The following C13orf46 variants were observed in gnomAD, a reference collection of about 807,000 sequenced individuals.
C13orf46 encodes the protein chromosome 13 open reading frame 46.
the C13orf46 span, among the ~76,000 whole-genome samples, chr13:113,945,628 GA>G: frequency 2.3e-5 from 3 of 129,772 alleles, no homozygotes; most frequent in African/African-American, 8.9e-5. Context: ...AAGAAAGAAA[GA>G]AAGAAAGAAA....
rs1436606979 is a variant in C13orf46, at chr13:113,954,372, A to G, written c.*2401T>C. On this transcript the variant is annotated 3_prime_UTR_variant, in exon 7 of 7. Coordinates refer to ENST00000636427, the MANE Select transcript of C13orf46 (RefSeq NM_001365455.2). ...ATATGCACGTGTGCGTGTCTGAACG[A>G]GAGGGCTCTGGGTGGATTCTGGTGA... 1.5e-4 allele frequency: 23 copies of G among 152,618 alleles called. No homozygotes were observed. Among genetic ancestry groups the G allele is most frequent in the Admixed American group, 1.4e-3 (22 of 15,312 alleles). The allele number at this position is 152,618 out of a possible 1,614,324, so 9.5% of individuals were successfully genotyped here.
At chr13:113,958,855 G>A (rs2052564198) in intron 6 of C13orf46, among the ~76,000 whole-genome samples, 1 of 152,210 alleles carries the variant, frequency 6.6e-6, no homozygotes, top group Non-Finnish European at 1.5e-5. Flanking sequence ...GCTGCACGTG[G>A]TGGGGTCTCT....
chr13:113,959,376 G>A (rs1447857426), intron 6 of C13orf46, among the ~76,000 whole-genome samples: 1 of 152,138 alleles, frequency 6.6e-6, no homozygotes, highest in African/African-American at 2.4e-5. Context: ...TTGTCTGATT[G>A]GGTAGAATGT....
rs899331548 is a variant in C13orf46 at position 113,954,938 on chromosome 13, G to C, written c.*1835C>G. 1.7e-5 allele frequency: 3 copies of C among 172,882 alleles called. No individual in the cohort carries two copies. Among genetic ancestry groups the C allele is most frequent in the Non-Finnish European group, 3.6e-5 (3 of 83,750 alleles). The allele number at this position is 172,882 out of a possible 1,614,324, so 10.7% of individuals were successfully genotyped here. Reference sequence around the variant, plus strand: ...AGGAGGAGCATCTGGCGGAGACGAGGAGGAGGATCTGGCGGAGACGAGGAG... The same window carrying C: ...AGGAGGAGCATCTGGCGGAGACGAGCAGGAGGATCTGGCGGAGACGAGGAG... On this transcript the variant is annotated 3_prime_UTR_variant, in exon 7 of 7. Coordinates refer to ENST00000636427, the MANE Select transcript of C13orf46 (RefSeq NM_001365455.2).
chr13:113,955,365 CCGGCGGAGAGGAGGAGCA>C lies in C13orf46; in HGVS notation c.*1390_*1407del. The C allele has an allele frequency of 6.2e-6, 1 of 161,972 alleles. No individual in the cohort carries two copies. Among genetic ancestry groups the C allele is most frequent in the Non-Finnish European group, 1.3e-5 (1 of 78,274 alleles). The allele number at this position is 161,972 out of a possible 1,614,324, so 10.0% of individuals were successfully genotyped here. A position where few individuals can be genotyped will look rare whatever the true frequency, so the allele number is the denominator to read the frequency against. The stretch of plus-strand genomic sequence containing the variant: ...AGTATCTGGTGGAGAGGAGGAGCAT[CCGGCGGAGAGGAGGAGCA>C]TCCGGCGGAGACGAGGAGCATCCGG... On this transcript the variant is annotated 3_prime_UTR_variant, in exon 7 of 7. Transcript: ENST00000636427.
the C13orf46 span, among the ~76,000 whole-genome samples, chr13:113,935,162 G>A: frequency 5.9e-3 from 897 of 152,352 alleles, 10 homozygotes; most frequent in African/African-American, 0.02. Flanking sequence ...GTGGCGAGAG[G>A]GCCTGGGCTG....
At chr13:113,968,974 G>A (rs2052676983) in intron 2 of C13orf46, among the ~76,000 whole-genome samples, 1 of 152,242 alleles carries the variant, frequency 6.6e-6, no homozygotes, top group Non-Finnish European at 1.5e-5. Context: ...ATCTTGCCTG[G>A]AAAACTTACC....
chr13:113,929,600 G>A, the C13orf46 span, among the ~76,000 whole-genome samples: 1 of 152,274 alleles, frequency 6.6e-6, no homozygotes. Context: ...AGCCCAGGCT[G>A]TGCAGTGCTG....
chr13:113,945,569 GAA>G, the C13orf46 span, among the ~76,000 whole-genome samples: 11,482 of 95,614 alleles, frequency 0.12, 879 homozygotes, highest in South Asian at 0.16. Flanking sequence ...AAGAAAGAAA[GAA>G]AGAAAGAGAG....
At chr13:113,935,248 C>T in the C13orf46 span, among the ~76,000 whole-genome samples, 3 of 152,364 alleles carry the variant, frequency 2.0e-5, no homozygotes, top group South Asian at 2.1e-4. Context: ...CGGCCCCCGG[C>T]GCCCTTCAGC....
At chr13:113,967,848 C>G (rs1212830485) in intron 4 of C13orf46, among the ~76,000 whole-genome samples, 1 of 152,194 alleles carries the variant, frequency 6.6e-6, no homozygotes, top group Non-Finnish European at 1.5e-5. Flanking sequence ...CAGGAGACCC[C>G]CCCCGGGATG....
intron 6 of C13orf46, among the ~76,000 whole-genome samples, chr13:113,960,132 C>T (rs1172484079): frequency 6.6e-6 from 1 of 152,028 alleles, no homozygotes; most frequent in Non-Finnish European, 1.5e-5. Context: ...TGGTGGGCGC[C>T]TGTAGTCTCA....
At chr13:113,938,653 G>A in the C13orf46 span, among the ~76,000 whole-genome samples, 1 of 152,196 alleles carries the variant, frequency 6.6e-6, no homozygotes, top group Non-Finnish European at 1.5e-5. Context: ...CGTCCTGGGG[G>A]TTCAGCCTCC....
the C13orf46 span, among the ~76,000 whole-genome samples, chr13:113,938,508 A>G: frequency 6.6e-6 from 1 of 152,152 alleles, no homozygotes; most frequent in Non-Finnish European, 1.5e-5. Context: ...GCCTCTAAGG[A>G]GCCCAGACCT....
At chr13:113,940,439 C>T in the C13orf46 span, among the ~76,000 whole-genome samples, 16 of 152,186 alleles carry the variant, frequency 1.1e-4, no homozygotes, top group African/African-American at 3.4e-4. Context: ...TGAGGATGGG[C>T]GTCTGGGACC....
intron 1 of C13orf46, among the ~76,000 whole-genome samples, chr13:113,972,970 T>C (rs957789379): frequency 3.9e-5 from 6 of 152,124 alleles, no homozygotes; most frequent in African/African-American, 1.4e-4. Context: ...GGGTTACGGG[T>C]GTGGACCTGG....
intron 5 of C13orf46, among the ~76,000 whole-genome samples, chr13:113,965,809 G>T (rs891419171): frequency 6.8e-6 from 1 of 146,244 alleles, no homozygotes; most frequent in Non-Finnish European, 1.5e-5. Flanking sequence ...GGTGATGATG[G>T]TGAAGGTGAT....
Position 113,955,350 on chromosome 13 carries a change from G to C in C13orf46, c.*1423C>G. Reference sequence around the variant, plus strand: ...GTGGAGAGGAGGAGTAGTATCTGGTGGAGAGGAGGAGCATCCGGCGGAGAG... The same window carrying C: ...GTGGAGAGGAGGAGTAGTATCTGGTCGAGAGGAGGAGCATCCGGCGGAGAG... On this transcript the variant is annotated 3_prime_UTR_variant, in exon 7 of 7. Coordinates refer to ENST00000636427, the MANE Select transcript of C13orf46 (RefSeq NM_001365455.2). 5.7e-6 allele frequency: 1 copy of C among 174,180 alleles called. No individual in the cohort carries two copies. Among genetic ancestry groups the C allele is most frequent in the Non-Finnish European group, 1.2e-5 (1 of 83,524 alleles). 10.8% of individuals were successfully genotyped at this position (174,180 alleles called of 1,614,324 possible).
At chr13:113,964,646 C>T (rs1454077016) in intron 6 of C13orf46, among the ~76,000 whole-genome samples, 1 of 152,226 alleles carries the variant, frequency 6.6e-6, no homozygotes, top group African/African-American at 2.4e-5. Context: ...TCATCAGGTC[C>T]TTTTCCTGGC....
Sources: gnomAD v4.1 joint callset for allele counts (sites outside exome capture counted in the v4.1 genomes callset) on GRCh38, gnomAD v4.1.1 for gene constraint, MANE v1.5 for transcripts, NCBI Gene and HGNC (gene_info 2026-07-23, HGNC 2026-07-21) for gene names.